The following ADAM22 variants were observed in gnomAD, a reference collection of about 807,000 sequenced individuals.
ADAM22 encodes the protein disintegrin and metalloproteinase domain-containing protein 22.
ADAM22 carries 65 observed loss-of-function variants against 144.6 expected under a neutral mutation model. That is an observed-to-expected ratio of 0.45 (90% CI 0.37 to 0.55). ADAM22 has a LOEUF of 0.55. ADAM22 is among the 20% of genes least tolerant of loss of function. The probability of loss-of-function intolerance (pLI) is 0.00; values close to 1 mark genes in which losing one functional copy is unlikely to be tolerated. For missense variants in ADAM22, 974 were observed against 1,184.9 expected (o/e 0.82, Z 2.61); for synonymous variants, 391 against 412.6 (o/e 0.95, Z 0.63).
intron 2 of ADAM22, among the ~76,000 whole-genome samples, chr7:87,974,192 T>G (rs989554702): frequency 1.3e-5 from 2 of 150,614 alleles, no homozygotes; most frequent in African/African-American, 2.4e-5. Context: ...TAGTCCCAGC[T>G]GCTCGGGAGG....
At chr7:88,185,757 C>T (rs1205171254) in intron 29 of ADAM22, 1 of 152,144 alleles carries the variant, frequency 6.6e-6, no homozygotes, top group East Asian at 1.9e-4. Context: ...AAAATTTGCA[C>T]AGTAATTCTG....
At chr7:88,084,514 T>C (rs1817867142) in intron 4 of ADAM22, among the ~76,000 whole-genome samples, 5 of 152,188 alleles carry the variant, frequency 3.3e-5, no homozygotes, top group African/African-American at 9.6e-5. Context: ...AGGAACCACA[T>C]TGAAAATGCT....
rs34323035 is a variant in ADAM22 at position 88,113,119 on chromosome 7, C to CTTT, written c.474-1441_474-1439dup. Reference sequence around the variant, plus strand: ...TTTCTGCATCCCCCCTGCCTGCCCTCTTTTTTTTTTTTTTTTTTTTTTTTT... The same window carrying CTTT: ...TTTCTGCATCCCCCCTGCCTGCCCTCTTTTTTTTTTTTTTTTTTTTTTTTTTTT... On this transcript the variant is annotated intron_variant, in intron 5 of 31. Transcript: ENST00000413139. 2.6e-3 allele frequency among the ~76,000 whole-genome samples: 205 copies of CTTT among 79,016 alleles called. 11 individuals carry two copies. Among genetic ancestry groups the CTTT allele is most frequent in the Admixed American group, 4.3e-3 (26 of 6,038 alleles). 51.8% of individuals were successfully genotyped at this position (79,016 alleles called of 152,430 possible). A position where few individuals can be genotyped will look rare whatever the true frequency, so the allele number is the denominator to read the frequency against.
At position 88,163,161 on chromosome 7, in the gene ADAM22, C is replaced by T; in HGVS notation, c.2057C>T (p.Thr686Ile). 6.2e-7 allele frequency: 1 copy of T among 1,605,882 alleles called. No individual in the cohort carries two copies. Among genetic ancestry groups the T allele is most frequent in the Non-Finnish European group, 8.5e-7 (1 of 1,177,006 alleles). The change falls in exon 23 of 32, where the codon ACT (threonine) becomes ATT (isoleucine). Residue 686 changes from threonine (T) to isoleucine (I), a missense_variant. Coordinates refer to ENST00000413139, the MANE Select transcript of ADAM22 (RefSeq NM_001324418.2). Reference protein sequence around the residue: ...FSTCLSSKEGTICSGNGVCSN... With the variant: ...FSTCLSSKEGIICSGNGVCSN... ...ACTTGCTTGAGCAGTAAAGAAGGCA[C>T]TATTTGCTCAGGAAATGGAGTAAGT...
At chr7:88,026,849 A>G (rs1267965725) in intron 3 of ADAM22, among the ~76,000 whole-genome samples, 3 of 152,122 alleles carry the variant, frequency 2.0e-5, no homozygotes, top group Non-Finnish European at 2.9e-5. Context: ...TCAGTATGGT[A>G]CTAACTGTGG....
chr7:88,091,689 A>G (rs1819891339), intron 4 of ADAM22, among the ~76,000 whole-genome samples: 1 of 152,158 alleles, frequency 6.6e-6, no homozygotes, highest in South Asian at 2.1e-4. Flanking sequence ...AATTTTAAGA[A>G]AGGAAGTCTG....
At chr7:88,166,644 A>C (rs2129531101) in intron 24 of ADAM22, among the ~76,000 whole-genome samples, 1 of 152,312 alleles carries the variant, frequency 6.6e-6, no homozygotes, top group East Asian at 1.9e-4. Flanking sequence ...GGATGAGAAA[A>C]AAGGAATATG....
chr7:87,934,824 C>A (rs769586574), intron 1 of ADAM22: 5 of 731,296 alleles, frequency 6.8e-6, no homozygotes, highest in Non-Finnish European at 1.1e-5. Flanking sequence ...TTCTGGGCCC[C>A]GCTCCTGGTT....
intron 2 of ADAM22, among the ~76,000 whole-genome samples, chr7:87,940,224 T>G (rs1295997980): frequency 6.7e-6 from 1 of 149,548 alleles, no homozygotes; most frequent in Admixed American, 6.7e-5. Context: ...TTCACCAAGA[T>G]GGATATGCTG....
At chr7:87,964,090 AC>A in intron 2 of ADAM22, among the ~76,000 whole-genome samples, 1 of 152,160 alleles carries the variant, frequency 6.6e-6, no homozygotes, top group Non-Finnish European at 1.5e-5. Context: ...AGTCTGTAAG[AC>A]CCTTCAGTGG....
At position 88,193,145 on chromosome 7, in the gene ADAM22, C is replaced by T. The variant is rs774965837; in HGVS notation, c.2780C>T (p.Ser927Leu). 6.2e-7 allele frequency: 1 copy of T among 1,614,112 alleles called. No individual in the cohort carries two copies. The highest frequency in any genetic ancestry group is 1.7e-4 in the Middle Eastern group (1 of 6,060). Reference sequence around the variant, plus strand: ...TTATCTCCTGCCAAGTCTCCTTCTTCATCAACTGGGTCTATTGCCTCCAGC... The same window carrying T: ...TTATCTCCTGCCAAGTCTCCTTCTTTATCAACTGGGTCTATTGCCTCCAGC... The part of the protein sequence containing the change: ...RTLSPAKSPS[S>L]STGSIASSRK... The change falls in exon 31 of 32, where the codon TCA becomes TTA. Residue 927 changes from serine to leucine, a missense_variant. Physicochemically the swap from Ser to Leu is moderately radical, Grantham distance 145. Coordinates refer to ENST00000413139, the MANE Select transcript of ADAM22 (RefSeq NM_001324418.2).
At chr7:87,937,388 T>G (rs537596485) in intron 2 of ADAM22, among the ~76,000 whole-genome samples, 1 of 152,174 alleles carries the variant, frequency 6.6e-6, no homozygotes, top group Non-Finnish European at 1.5e-5. Context: ...GAGTCAAGAT[T>G]TTGCTGTTGT....
At chr7:88,148,934 T>A (rs773760238) in intron 17 of ADAM22, 43 bp from the exon 18 acceptor site, 5 of 1,450,510 alleles carry the variant, frequency 3.4e-6, no homozygotes, top group Non-Finnish European at 4.7e-6. Context: ...TAAGATTTTT[T>A]TTTCTCCCTA....
At chr7:87,975,668 G>A (rs1213447712) in intron 2 of ADAM22, among the ~76,000 whole-genome samples, 3 of 152,270 alleles carry the variant, frequency 2.0e-5, no homozygotes, top group East Asian at 3.9e-4. Flanking sequence ...TATAATTAAT[G>A]CAGACAGTAA....
At chr7:88,022,445 A>G (rs1585072045) in intron 3 of ADAM22, among the ~76,000 whole-genome samples, 1 of 152,178 alleles carries the variant, frequency 6.6e-6, no homozygotes, top group East Asian at 1.9e-4. Flanking sequence ...AAATTCCACT[A>G]TGACCAGTTA....
At chr7:87,982,699 A>ATATATATATAT (rs10527361) in intron 3 of ADAM22, among the ~76,000 whole-genome samples, 67 of 62,850 alleles carry the variant, frequency 1.1e-3, no homozygotes, top group East Asian at 3.8e-3. Context: ...ATATATATAT[A>ATATATATATAT]ATTTTTTTTT....
chr7:88,011,696 T>C (rs573664684), intron 3 of ADAM22, among the ~76,000 whole-genome samples: 1 of 152,196 alleles, frequency 6.6e-6, no homozygotes, highest in South Asian at 2.1e-4. Flanking sequence ...TCTCACTCTG[T>C]AAGGTGTTTC....
In ADAM22 at chr7:88,196,663, G is replaced by T; in HGVS notation, c.*172G>T. 1 of 667,062 alleles carries T rather than the reference G, an allele frequency of 1.5e-6. No homozygotes were observed. The allele number at this position is 667,062 out of a possible 1,614,324, so 41.3% of individuals were successfully genotyped here. A position where few individuals can be genotyped will look rare whatever the true frequency, so the allele number is the denominator to read the frequency against. ...CACATCTGGTTACCATTTTCTTTTTGTCATTGGCTTAGGATTTAACTAACC... is the reference window on the plus strand; with the variant it reads ...CACATCTGGTTACCATTTTCTTTTTTTCATTGGCTTAGGATTTAACTAACC... On this transcript the variant is annotated 3_prime_UTR_variant, in exon 32 of 32. Coordinates refer to ENST00000413139, the MANE Select transcript of ADAM22 (RefSeq NM_001324418.2).
intron 3 of ADAM22, among the ~76,000 whole-genome samples, chr7:88,014,775 G>A (rs536300502): frequency 5.9e-5 from 9 of 152,318 alleles, no homozygotes; most frequent in Non-Finnish European, 1.0e-4. Flanking sequence ...CAGAGGTCAC[G>A]TTTACCAAGT....
Sources: allele counts gnomAD v4.1 joint callset (sites outside exome capture counted in the v4.1 genomes callset), GRCh38; gene constraint gnomAD v4.1.1; transcripts MANE v1.5; gene names NCBI Gene and HGNC (gene_info 2026-07-23, HGNC 2026-07-21).